Variants in DYNC1LI1 observed in about 807,000 individuals in gnomAD.
DYNC1LI1 encodes dynein cytoplasmic 1 light intermediate chain 1.
In DYNC1LI1, 19 loss-of-function variants were observed where a neutral mutation model predicts 63.8. The ratio of observed to expected loss-of-function variants is 0.30; its 90% CI spans 0.21 to 0.44. The LOEUF (loss-of-function observed/expected upper bound fraction) is 0.44, where lower values mean the gene tolerates loss of function less well. Ranked by LOEUF, DYNC1LI1 falls within the 20% of genes least tolerant of loss-of-function variation. The pLI, the probability that DYNC1LI1 is intolerant of heterozygous loss-of-function variation, is 1.00. For synonymous variants in DYNC1LI1, 225 were observed against 232.3 expected (o/e 0.97, Z 0.28); for missense variants, 565 against 630.2 (o/e 0.90, Z 1.11).
intron 5 of DYNC1LI1, among the ~76,000 whole-genome samples, chr3:32,538,771 A>C (rs1362715028): frequency 6.6e-6 from 1 of 152,126 alleles, no homozygotes; most frequent in Non-Finnish European, 1.5e-5. Context: ...TAGAGAGACT[A>C]AGTTTCTAAG....
At chr3:32,551,665 C>T (rs76000607) in intron 2 of DYNC1LI1, among the ~76,000 whole-genome samples, 218 of 152,220 alleles carry the variant, frequency 1.4e-3, no homozygotes, top group African/African-American at 4.5e-3. Context: ...GGTATGGAGG[C>T]AGAGACAACT....
At chr3:32,555,798 G>A (rs916673261) in intron 2 of DYNC1LI1, among the ~76,000 whole-genome samples, 6 of 152,196 alleles carry the variant, frequency 3.9e-5, no homozygotes, top group African/African-American at 1.4e-4. Flanking sequence ...AACTTACACT[G>A]AAATGCATTT....
chr3:32,530,155 T>G (rs1697675885), intron 10 of DYNC1LI1, 129 bp downstream of exon 10: 2 of 786,642 alleles, frequency 2.5e-6, no homozygotes, highest in South Asian at 4.4e-5. Context: ...TCTCACAAAT[T>G]ACAGAAGAAT....
intron 8 of DYNC1LI1, chr3:32,531,771 T>C (rs1697700646): frequency 6.6e-6 from 1 of 152,176 alleles, no homozygotes; most frequent in South Asian, 2.1e-4. Flanking sequence ...ATAAAAATTA[T>C]TTTTTCTTGA....
chr3:32,567,791 C>T (rs1698289185), intron 2 of DYNC1LI1, among the ~76,000 whole-genome samples: 1 of 151,708 alleles, frequency 6.6e-6, no homozygotes, highest in Admixed American at 6.6e-5. Flanking sequence ...GCAACCTCCG[C>T]CTCCCGGGCT....
chr3:32,534,944 C>T (rs572505860), intron 6 of DYNC1LI1, among the ~76,000 whole-genome samples: 4 of 152,120 alleles, frequency 2.6e-5, no homozygotes, highest in Non-Finnish European at 5.9e-5. Context: ...ATATTTAAAG[C>T]ACATGAAAGG....
At chr3:32,546,598 A>C (rs1697956113) in intron 2 of DYNC1LI1, among the ~76,000 whole-genome samples, 1 of 152,120 alleles carries the variant, frequency 6.6e-6, no homozygotes. Flanking sequence ...TTAATCTACA[A>C]GGAATAAAAG....
chr3:32,538,954 C>A lies in DYNC1LI1; in HGVS notation c.739-1850G>T, dbSNP rs560235350. 4.6e-5 allele frequency among the ~76,000 whole-genome samples: 7 copies of A among 152,220 alleles called. No individual in the cohort carries two copies. In the South Asian group the frequency reaches 1.4e-3, roughly 32 times the overall value. On this transcript the variant is annotated intron_variant, in intron 5 of 12. Coordinates refer to ENST00000273130, the MANE Select transcript of DYNC1LI1 (RefSeq NM_016141.4). ...TATGAAATACAGTAGATGATCTATT[C>A]TGGTTTGAAAATGTTATGACTCTAT... is the stretch of plus-strand genomic sequence containing the variant.
intron 4 of DYNC1LI1, among the ~76,000 whole-genome samples, chr3:32,543,313 C>T (rs1009931458): frequency 6.6e-6 from 1 of 151,804 alleles, no homozygotes; most frequent in Non-Finnish European, 1.5e-5. Context: ...TTTTCTTACA[C>T]ATAAATTCCA....
At position 32,545,009 on chromosome 3, in the gene DYNC1LI1, T is replaced by C; in HGVS notation, c.435A>G (p.Leu145=). ...TTGACATGTCAACAACCAGCATAAC[T>C]AGAGTATCCTTCAGAGATACGGCAT... The part of the protein sequence containing the change: ...SLDAVSLKDT[L]VMLVVDMSKP... The change falls in exon 4 of 13, where the codon CTA becomes CTG. Residue 145 remains leucine, a synonymous_variant. Coordinates refer to ENST00000273130, the MANE Select transcript of DYNC1LI1 (RefSeq NM_016141.4). The C allele has an allele frequency of 6.2e-7, 1 of 1,614,018 alleles. No homozygotes were observed. Among genetic ancestry groups the C allele is most frequent in the South Asian group, 1.1e-5 (1 of 91,082 alleles).
intron 2 of DYNC1LI1, among the ~76,000 whole-genome samples, chr3:32,552,113 T>C (rs1698051192): frequency 6.6e-6 from 1 of 152,178 alleles, no homozygotes; most frequent in South Asian, 2.1e-4. Flanking sequence ...GATTCCAACC[T>C]CAAAGCCTTT....
chr3:32,568,149 T>C (rs1263785697), intron 2 of DYNC1LI1, among the ~76,000 whole-genome samples: 1 of 152,148 alleles, frequency 6.6e-6, no homozygotes, highest in Admixed American at 6.6e-5. Context: ...GATTTGTTTT[T>C]TTAAATAAGA....
chr3:32,561,542 T>C (rs536516868), intron 2 of DYNC1LI1, among the ~76,000 whole-genome samples: 2 of 152,052 alleles, frequency 1.3e-5, no homozygotes, highest in African/African-American at 2.4e-5. Flanking sequence ...GGCAGGAGAA[T>C]TGCTTGAACC....
chr3:32,553,255 G>A (rs1392355770), intron 2 of DYNC1LI1, among the ~76,000 whole-genome samples: 1 of 152,118 alleles, frequency 6.6e-6, no homozygotes, highest in Non-Finnish European at 1.5e-5. Flanking sequence ...GGACAGCTCA[G>A]GCATGGGAGA....
At chr3:32,526,969 C>T in intron 12 of DYNC1LI1, 61 bp from the exon 13 acceptor site, 2 of 1,142,140 alleles carry the variant, frequency 1.8e-6, no homozygotes, top group Non-Finnish European at 2.6e-6. Flanking sequence ...TCGTTTTCAC[C>T]AATATCTCTT....
At position 32,526,731 on chromosome 3, in the gene DYNC1LI1, T is replaced by C. The variant is rs1189728975; in HGVS notation, c.*68A>G. 8.2e-7 allele frequency: 1 copy of C among 1,222,354 alleles called. No individual in the cohort carries two copies. The highest frequency in any genetic ancestry group is 2.3e-5 in the East Asian group (1 of 42,566). The allele number at this position is 1,222,354 out of a possible 1,614,324, so 75.7% of individuals were successfully genotyped here. A position where few individuals can be genotyped will look rare whatever the true frequency, so the allele number is the denominator to read the frequency against. ...CACTCCAGCTTTCTAATTCCACTTT[T>C]GAAGGAAAAGGCAGAGGCATGTTTA... On this transcript the variant is annotated 3_prime_UTR_variant, in exon 13 of 13. Coordinates refer to ENST00000273130, the MANE Select transcript of DYNC1LI1 (RefSeq NM_016141.4).
chr3:32,536,331 G>A (rs1697773122), intron 6 of DYNC1LI1, among the ~76,000 whole-genome samples: 1 of 152,044 alleles, frequency 6.6e-6, no homozygotes, highest in East Asian at 1.9e-4. Flanking sequence ...CAAGAGGGTT[G>A]GTGAGTTTAC....
At chr3:32,556,733 G>T (rs1278081672) in intron 2 of DYNC1LI1, among the ~76,000 whole-genome samples, 1 of 152,038 alleles carries the variant, frequency 6.6e-6, no homozygotes, top group Non-Finnish European at 1.5e-5. Flanking sequence ...GTAGAGATGG[G>T]GTCTCCCTAT....
At chr3:32,546,050 A>T in intron 2 of DYNC1LI1, 85 bp from the exon 3 acceptor site, 1 of 889,218 alleles carries the variant, frequency 1.1e-6, no homozygotes, top group Non-Finnish European at 1.7e-6. Flanking sequence ...GAAAAACCCA[A>T]CTGGAACTAG....
Sources: allele counts gnomAD v4.1 joint callset (sites outside exome capture counted in the v4.1 genomes callset), GRCh38; gene constraint gnomAD v4.1.1; transcripts MANE v1.5; gene names NCBI Gene and HGNC (gene_info 2026-07-23, HGNC 2026-07-21).